The following KHDRBS3 variants were observed in gnomAD, a reference collection of about 807,000 sequenced individuals.
KHDRBS3 encodes KH domain-containing, RNA-binding, signal transduction-associated protein 3.
In KHDRBS3, 23 loss-of-function variants were observed where a neutral mutation model predicts 45.6. The observed-to-expected ratio is 0.50, with a 90% CI of 0.36 to 0.72. The LOEUF is 0.72. Among genes scored for constraint, KHDRBS3 ranks in the 30% least tolerant of loss-of-function variants. The probability of loss-of-function intolerance (pLI) is 0.00; values close to 1 mark genes in which losing one functional copy is unlikely to be tolerated. For synonymous variants in KHDRBS3, 162 were observed against 156.5 expected (o/e 1.04, Z -0.26); for missense variants, 352 against 424.8 (o/e 0.83, Z 1.51).
At chr8:135,574,289 T>C (rs1827852256) in intron 5 of KHDRBS3, among the ~76,000 whole-genome samples, 1 of 151,712 alleles carries the variant, frequency 6.6e-6, no homozygotes, top group Admixed American at 6.6e-5. Flanking sequence ...AAAGCATTGT[T>C]AATGCTATTG....
At chr8:135,496,272 G>A (rs1019986763) in intron 1 of KHDRBS3, among the ~76,000 whole-genome samples, 3 of 151,642 alleles carry the variant, frequency 2.0e-5, no homozygotes, top group African/African-American at 7.3e-5. Context: ...TTGCTCTGAT[G>A]CCCAGGCTGG....
intron 2 of KHDRBS3, among the ~76,000 whole-genome samples, chr8:135,524,788 C>G (rs1825097033): frequency 6.6e-6 from 1 of 151,906 alleles, no homozygotes; most frequent in Non-Finnish European, 1.5e-5. Context: ...TGCTATTAAC[C>G]CACCAAGTAA....
intron 3 of KHDRBS3, among the ~76,000 whole-genome samples, chr8:135,546,231 T>C (rs1826295694): frequency 6.6e-6 from 1 of 152,236 alleles, no homozygotes; most frequent in African/African-American, 2.4e-5. Context: ...TTCTTGAATA[T>C]TGATTTCAGT....
chr8:135,535,866 C>T (rs749220946), intron 2 of KHDRBS3, among the ~76,000 whole-genome samples: 14 of 152,222 alleles, frequency 9.2e-5, no homozygotes, highest in Admixed American at 2.0e-4. Flanking sequence ...AAGATGGTGC[C>T]TTAAACACCG....
chr8:135,547,365 G>A (rs1286521948), intron 3 of KHDRBS3, among the ~76,000 whole-genome samples: 3 of 152,030 alleles, frequency 2.0e-5, no homozygotes, highest in East Asian at 1.9e-4. Context: ...GTCTCCTTTC[G>A]CCAGCATTTA....
rs192653766 is a variant in KHDRBS3, at chr8:135,489,667, C to T, written c.89-31570C>T. ...CACTCTATCTGGCCTGGCGACAGAGCGAGACTCCATCTCAAAACAACAACA... is the reference window on the plus strand; with the variant it reads ...CACTCTATCTGGCCTGGCGACAGAGTGAGACTCCATCTCAAAACAACAACA... On this transcript the variant is annotated intron_variant, in intron 1 of 8. Transcript: ENST00000355849. Among the ~76,000 whole-genome samples, 23 of 151,948 alleles carry T rather than the reference C, an allele frequency of 1.5e-4. No individual in the cohort carries two copies. The East Asian group carries it at 3.7e-3, about 24-fold the overall frequency.
At chr8:135,473,540 T>C (rs1187213545) in intron 1 of KHDRBS3, among the ~76,000 whole-genome samples, 1 of 152,150 alleles carries the variant, frequency 6.6e-6, no homozygotes, top group Non-Finnish European at 1.5e-5. Flanking sequence ...ACACTTTTTA[T>C]TATTAACAAA....
At chr8:135,532,178 A>G (rs374083847) in intron 2 of KHDRBS3, among the ~76,000 whole-genome samples, 3 of 152,292 alleles carry the variant, frequency 2.0e-5, no homozygotes, top group South Asian at 2.1e-4. Flanking sequence ...GGCATTTACT[A>G]CACTGATATA....
chr8:135,502,640 A>G (rs1026015429), intron 1 of KHDRBS3, among the ~76,000 whole-genome samples: 1 of 152,190 alleles, frequency 6.6e-6, no homozygotes, highest in Non-Finnish European at 1.5e-5. Context: ...ACACAGTAAC[A>G]TAACTACCGT....
chr8:135,475,755 T>C (rs1421415821), intron 1 of KHDRBS3, among the ~76,000 whole-genome samples: 1 of 152,124 alleles, frequency 6.6e-6, no homozygotes, highest in Non-Finnish European at 1.5e-5. Flanking sequence ...ACCAGGACAT[T>C]TATAGACCAT....
At chr8:135,605,366 A>G (rs1484351555) in intron 6 of KHDRBS3, among the ~76,000 whole-genome samples, 1 of 152,028 alleles carries the variant, frequency 6.6e-6, no homozygotes, top group African/African-American at 2.4e-5. Context: ...CCACTCATCC[A>G]TCTTCAAGTT....
At chr8:135,588,846 C>G (rs1213432291) in intron 6 of KHDRBS3, among the ~76,000 whole-genome samples, 1 of 152,118 alleles carries the variant, frequency 6.6e-6, no homozygotes. Flanking sequence ...GTCCCCTCTC[C>G]CTGAATGCCC....
chr8:135,625,774 C>A, intron 7 of KHDRBS3: 1 of 765,808 alleles, frequency 1.3e-6, no homozygotes, highest in South Asian at 1.4e-5. Flanking sequence ...TGGATGCACC[C>A]GTGTTCTAGC....
chr8:135,589,790 TAAA>T (rs1828659283), intron 6 of KHDRBS3, among the ~76,000 whole-genome samples: 1 of 152,188 alleles, frequency 6.6e-6, no homozygotes, highest in African/African-American at 2.4e-5. Flanking sequence ...AGATACTAAG[TAAA>T]TATGCGGAGG....
chr8:135,495,742 A>G (rs538067349), intron 1 of KHDRBS3, among the ~76,000 whole-genome samples: 1 of 152,284 alleles, frequency 6.6e-6, no homozygotes, highest in South Asian at 2.1e-4. Context: ...GCTGCAGTTT[A>G]GTGCCAGGTC....
intron 6 of KHDRBS3, among the ~76,000 whole-genome samples, chr8:135,593,618 C>T (rs574211165): frequency 5.3e-5 from 8 of 152,242 alleles, no homozygotes; most frequent in South Asian, 2.1e-4. Flanking sequence ...GCTGGCACCA[C>T]ATGTGTGTGC....
At chr8:135,575,253 A>C (rs746366437) in intron 5 of KHDRBS3, among the ~76,000 whole-genome samples, 4 of 152,244 alleles carry the variant, frequency 2.6e-5, no homozygotes, top group Admixed American at 1.3e-4. Flanking sequence ...ATGCACCTGT[A>C]GTGGCTTAAC....
At chr8:135,575,743 G>T (rs1309569475) in intron 5 of KHDRBS3, among the ~76,000 whole-genome samples, 2 of 152,138 alleles carry the variant, frequency 1.3e-5, no homozygotes, top group African/African-American at 4.8e-5. Context: ...TATCCTGCAT[G>T]TGGTTTTTCT....
intron 2 of KHDRBS3, 92 bp downstream of exon 2, chr8:135,521,447 TG>T (rs1246990058): frequency 1.4e-6 from 1 of 723,788 alleles, no homozygotes. Context: ...TTTTTAGAGA[TG>T]TTTTCTCTTA....
Sources: allele counts gnomAD v4.1 joint callset (sites outside exome capture counted in the v4.1 genomes callset), GRCh38; gene constraint gnomAD v4.1.1; transcripts MANE v1.5; gene names NCBI Gene and HGNC (gene_info 2026-07-23, HGNC 2026-07-21).